The following ZFAND6 variants were observed in gnomAD, a reference collection of about 807,000 sequenced individuals.
ZFAND6 encodes the protein zinc finger AN1-type containing 6.
A neutral mutation model predicts 24.5 loss-of-function variants in ZFAND6; 12 were observed. The observed-to-expected ratio is 0.49, with a 90% CI of 0.31 to 0.79. ZFAND6 has a LOEUF of 0.79. ZFAND6 is among the 30% of genes least tolerant of loss of function. ZFAND6 has a pLI of 0.04. For missense variants in ZFAND6, 207 were observed against 245.9 expected (o/e 0.84, Z 1.06); for synonymous variants, 92 against 81.5 (o/e 1.13, Z -0.69).
At chr15:80,106,433 C>G (rs768609919) in intron 2 of ZFAND6, among the ~76,000 whole-genome samples, 1 of 151,964 alleles carries the variant, frequency 6.6e-6, no homozygotes, top group Non-Finnish European at 1.5e-5. Flanking sequence ...ACTGTAAAGG[C>G]GAAATTGAGC....
chr15:80,088,586 G>A (rs1442283155), intron 1 of ZFAND6, among the ~76,000 whole-genome samples: 3 of 152,022 alleles, frequency 2.0e-5, no homozygotes, highest in African/African-American at 4.8e-5. Context: ...AAACGACTTC[G>A]TCCTCACTCT....
chr15:80,104,129 A>G (rs900086321), intron 2 of ZFAND6, among the ~76,000 whole-genome samples: 2 of 152,080 alleles, frequency 1.3e-5, no homozygotes, highest in African/African-American at 2.4e-5. Context: ...CACGTGAGCC[A>G]CCGCCCCTGG....
chr15:80,109,345 A>G (rs1425028373), intron 2 of ZFAND6, among the ~76,000 whole-genome samples: 2 of 152,236 alleles, frequency 1.3e-5, no homozygotes, highest in African/African-American at 2.4e-5. Context: ...TAGTAAATTA[A>G]GATTAGGATA....
chr15:80,064,181 C>T (rs1472494287), intron 1 of ZFAND6, among the ~76,000 whole-genome samples: 2 of 152,060 alleles, frequency 1.3e-5, no homozygotes, highest in Non-Finnish European at 2.9e-5. Context: ...TTGTTTCTTT[C>T]GGATCTAGTC....
At position 80,097,008 on chromosome 15, in the gene ZFAND6, T is replaced by C. The variant is rs552126545; in HGVS notation, c.-180-1408T>C. 3.6e-4 allele frequency among the ~76,000 whole-genome samples: 55 copies of C among 151,930 alleles called. No homozygotes were observed. The South Asian group carries it at 9.0e-3, about 25-fold the overall frequency. ...AGATATAATGTGTTAGATTTTTTTTTTTTTTTTTTGAGACGGTGTTTCCCT... is the reference window on the plus strand; with the variant it reads ...AGATATAATGTGTTAGATTTTTTTTCTTTTTTTTTGAGACGGTGTTTCCCT... On this transcript the variant is annotated intron_variant, in intron 1 of 6. Transcript: ENST00000261749.
At position 80,111,116 on chromosome 15, in the gene ZFAND6, T is replaced by C. The variant is rs541070426; in HGVS notation, c.-17-9212T>C. 3.7e-4 allele frequency among the ~76,000 whole-genome samples: 56 copies of C among 152,362 alleles called. 1 individual carries two copies. The South Asian group carries it at 7.0e-3, about 19-fold the overall frequency. ...TTTCATAATTAAGACACCACAGATA[T>C]ATTTAGCTTGGTGTTCTAAGTGGAG... On this transcript the variant is annotated intron_variant, in intron 2 of 6. Transcript: ENST00000261749.
At chr15:80,106,229 A>G (rs2039317623) in intron 2 of ZFAND6, among the ~76,000 whole-genome samples, 1 of 152,218 alleles carries the variant, frequency 6.6e-6, no homozygotes, top group Non-Finnish European at 1.5e-5. Context: ...TCTAACCAAA[A>G]TAGTTGTGAA....
At chr15:80,104,825 A>AT (rs940233703) in intron 2 of ZFAND6, among the ~76,000 whole-genome samples, 4 of 151,348 alleles carry the variant, frequency 2.6e-5, no homozygotes, top group South Asian at 2.1e-4. Flanking sequence ...TTTCTAACTT[A>AT]TTTTTTTTTA....
chr15:80,092,802 C>G (rs1459962264), intron 1 of ZFAND6, among the ~76,000 whole-genome samples: 1 of 152,000 alleles, frequency 6.6e-6, no homozygotes, highest in African/African-American at 2.4e-5. Flanking sequence ...TTATTTTGAG[C>G]ATTTTAATTT....
At chr15:80,071,810 G>A (rs915585583) in intron 1 of ZFAND6, among the ~76,000 whole-genome samples, 2 of 151,036 alleles carry the variant, frequency 1.3e-5, no homozygotes, top group Non-Finnish European at 1.5e-5. Context: ...CATGTCATTA[G>A]AACATGTGCC....
chr15:80,083,885 T>C (rs1351311421), intron 1 of ZFAND6, among the ~76,000 whole-genome samples: 1 of 152,122 alleles, frequency 6.6e-6, no homozygotes, highest in East Asian at 1.9e-4. Flanking sequence ...TTGAGAGCTT[T>C]AGGGCCCAGG....
chr15:80,122,818 C>T lies in ZFAND6; in HGVS notation c.364+18C>T. On this transcript the variant is annotated intron_variant, in intron 5 of 6. Coordinates refer to ENST00000261749, the MANE Select transcript of ZFAND6 (RefSeq NM_019006.4). ...TGTGCAGGGTTTGTATATGAACTAG[C>T]ATGTATTTTGTTATTTGAGTATTAT... The T allele has an allele frequency of 6.3e-7, 1 of 1,589,196 alleles. No homozygotes were observed. Among genetic ancestry groups the T allele is most frequent in the Non-Finnish European group, 8.6e-7 (1 of 1,158,818 alleles).
intron 1 of ZFAND6, among the ~76,000 whole-genome samples, chr15:80,064,959 T>G (rs1038996148): frequency 6.6e-6 from 1 of 151,680 alleles, no homozygotes; most frequent in Non-Finnish European, 1.5e-5. Flanking sequence ...GCTCTTCATT[T>G]ACCTAACAGT....
Position 80,122,709 on chromosome 15 carries a change from A to C in ZFAND6, c.273A>C (p.Ser91=). 1 of 1,613,284 alleles carries C rather than the reference A, an allele frequency of 6.2e-7. No homozygotes were observed. Among genetic ancestry groups the C allele is most frequent in the Non-Finnish European group, 8.5e-7 (1 of 1,179,548 alleles). The change falls in exon 5 of 7, where the codon TCA becomes TCC. Residue 91 remains serine, a synonymous_variant. Coordinates refer to ENST00000261749, the MANE Select transcript of ZFAND6 (RefSeq NM_019006.4). ...TSSSMQPSPV[S]NQSLLSESVA... ...TATTTTGCTTTTCTAGCCCTGTATCAAATCAGTCACTTTTATCAGAATCTG... is the reference window on the plus strand; with the variant it reads ...TATTTTGCTTTTCTAGCCCTGTATCCAATCAGTCACTTTTATCAGAATCTG...
intron 1 of ZFAND6, among the ~76,000 whole-genome samples, chr15:80,076,366 T>C (rs1466633592): frequency 1.3e-5 from 2 of 151,234 alleles, no homozygotes; most frequent in Non-Finnish European, 2.9e-5. Context: ...AAATTCAGTG[T>C]CTCTAGAATC....
intron 6 of ZFAND6, among the ~76,000 whole-genome samples, chr15:80,133,901 C>G (rs1459240226): frequency 3.3e-5 from 5 of 152,086 alleles, no homozygotes; most frequent in Admixed American, 1.3e-4. Flanking sequence ...CAATATGAAC[C>G]CTTTTTCGTG....
chr15:80,133,567 A>G (rs916595751), intron 6 of ZFAND6, among the ~76,000 whole-genome samples: 9 of 152,194 alleles, frequency 5.9e-5, no homozygotes, highest in African/African-American at 2.2e-4. Flanking sequence ...TCTGCCAGAA[A>G]AGAGGCAGTA....
intron 1 of ZFAND6, among the ~76,000 whole-genome samples, chr15:80,077,697 CTT>C (rs11441423): frequency 6.9e-5 from 8 of 115,290 alleles, no homozygotes; most frequent in Admixed American, 1.0e-4. Context: ...AGTTTTCTTT[CTT>C]TTTTTTTTTT....
intron 2 of ZFAND6, among the ~76,000 whole-genome samples, chr15:80,110,967 A>G (rs2039577762): frequency 1.3e-5 from 2 of 152,194 alleles, no homozygotes; most frequent in African/African-American, 4.8e-5. Context: ...AGCAAATGAA[A>G]TGGTCTTCCT....
Sources: allele counts gnomAD v4.1 joint callset (sites outside exome capture counted in the v4.1 genomes callset), GRCh38; gene constraint gnomAD v4.1.1; transcripts MANE v1.5; gene names NCBI Gene and HGNC (gene_info 2026-07-23, HGNC 2026-07-21).